CCSER1: variants seen among roughly 807,000 people sequenced by gnomAD.
CCSER1 encodes serine-rich coiled-coil domain-containing protein 1.
In CCSER1, 41 loss-of-function variants were observed where a neutral mutation model predicts 82.0. The observed-to-expected ratio is 0.50, with a 90% confidence interval of 0.39 to 0.65. The LOEUF is 0.65. Among genes scored for constraint, CCSER1 ranks in the 30% least tolerant of loss-of-function variants. The pLI, the probability that CCSER1 is intolerant of heterozygous loss-of-function variation, is 0.00. For synonymous variants in CCSER1, 414 were observed against 383.9 expected, an observed-to-expected ratio of 1.08 and a Z score of -0.92; for missense variants, 1,119 against 1,064.2, an observed-to-expected ratio of 1.05 and a Z score of -0.72.
intron 6 of CCSER1, among the ~76,000 whole-genome samples, chr4:90,641,442 A>G (rs778078231): frequency 3.9e-5 from 6 of 152,108 alleles, no homozygotes; most frequent in Non-Finnish European, 7.4e-5. Flanking sequence ...ATTATTTACA[A>G]TATATTTTCT....
chr4:91,569,516 G>T (rs527826748), intron 10 of CCSER1, among the ~76,000 whole-genome samples: 266 of 152,244 alleles, frequency 1.7e-3, no homozygotes, highest in African/African-American at 6.0e-3. Flanking sequence ...ATTCCACATG[G>T]CTGGGGAGGC....
intron 10 of CCSER1, among the ~76,000 whole-genome samples, chr4:91,236,063 T>C (rs1391400362): frequency 6.6e-6 from 1 of 152,198 alleles, no homozygotes. Flanking sequence ...GTGTTGAGAA[T>C]TGATGCAAGT....
At chr4:90,230,260 TA>T (rs1744187619) in intron 1 of CCSER1, among the ~76,000 whole-genome samples, 1 of 152,046 alleles carries the variant, frequency 6.6e-6, no homozygotes, top group Non-Finnish European at 1.5e-5. Flanking sequence ...ACAGAAATTA[TA>T]ACAAACTGTC....
At chr4:90,399,153 T>G (rs2153543650) in intron 3 of CCSER1, among the ~76,000 whole-genome samples, 1 of 152,258 alleles carries the variant, frequency 6.6e-6, no homozygotes, top group South Asian at 2.1e-4. Flanking sequence ...AATATACTTA[T>G]CACCCATTTA....
At chr4:90,875,117 A>G (rs1339587927) in intron 8 of CCSER1, among the ~76,000 whole-genome samples, 20 of 152,050 alleles carry the variant, frequency 1.3e-4, no homozygotes. Flanking sequence ...CCATCTCTTT[A>G]TTTCTCTCTC....
intron 10 of CCSER1, among the ~76,000 whole-genome samples, chr4:91,288,216 G>C (rs960057745): frequency 6.8e-6 from 1 of 148,114 alleles, no homozygotes; most frequent in African/African-American, 2.5e-5. Context: ...ACACCTTCTG[G>C]TTTTAGCGTA....
intron 8 of CCSER1, among the ~76,000 whole-genome samples, chr4:90,833,351 T>G (rs1761376928): frequency 6.6e-6 from 1 of 152,106 alleles, no homozygotes; most frequent in Non-Finnish European, 1.5e-5. Context: ...CTTAATAGAG[T>G]TGCATTGAAG....
chr4:91,401,323 G>A (rs1408984249), intron 10 of CCSER1, among the ~76,000 whole-genome samples: 1 of 147,684 alleles, frequency 6.8e-6, no homozygotes, highest in Non-Finnish European at 1.5e-5. Context: ...TAGATATACT[G>A]TATATATATT....
At chr4:91,105,298 CAAAA>C (rs369285677) in intron 10 of CCSER1, among the ~76,000 whole-genome samples, 3 of 151,772 alleles carry the variant, frequency 2.0e-5, no homozygotes, top group Non-Finnish European at 4.4e-5. Flanking sequence ...CTGTTTCCCT[CAAAA>C]AAAGGGCTTC....
chr4:91,542,104 G>T (rs1460717781), intron 10 of CCSER1, among the ~76,000 whole-genome samples: 1 of 152,152 alleles, frequency 6.6e-6, no homozygotes, highest in Non-Finnish European at 1.5e-5. Context: ...ATTTGTTTAA[G>T]TTCTTTGTAG....
intron 9 of CCSER1, among the ~76,000 whole-genome samples, chr4:91,080,693 GAGA>G (rs1173396169): frequency 6.6e-6 from 1 of 152,064 alleles, no homozygotes; most frequent in Non-Finnish European, 1.5e-5. Flanking sequence ...GAAGAAAAAA[GAGA>G]AGAATCAAAT....
chr4:90,332,593 A>ACT (rs1739518234), intron 3 of CCSER1, among the ~76,000 whole-genome samples: 1 of 152,022 alleles, frequency 6.6e-6, no homozygotes, highest in Admixed American at 6.6e-5. Context: ...TAAGTAAAGA[A>ACT]CTCTCATAGG....
intron 10 of CCSER1, among the ~76,000 whole-genome samples, chr4:91,345,374 G>A (rs1747986507): frequency 6.6e-6 from 1 of 151,836 alleles, no homozygotes; most frequent in Admixed American, 6.6e-5. Flanking sequence ...GAGACAGAGT[G>A]AAACTCCATC....
intron 6 of CCSER1, among the ~76,000 whole-genome samples, chr4:90,710,732 G>A (rs1177102080): frequency 6.6e-6 from 1 of 152,050 alleles, no homozygotes; most frequent in East Asian, 1.9e-4. Flanking sequence ...GATTACTTAA[G>A]CCTTGTAGTA....
Position 90,312,747 on chromosome 4 carries a change from T to C in CCSER1, c.1325-116T>C, listed in dbSNP as rs1735520491. 1.3e-5 allele frequency: 10 copies of C among 797,144 alleles called. No homozygotes were observed. In the South Asian group the frequency reaches 1.9e-4, roughly 15 times the overall value. 49.4% of individuals were successfully genotyped at this position (797,144 alleles called of 1,614,324 possible). ...TGATGCTATACATTTAAAAGTTTTC[T>C]TGTGATAGAGAAACTTTGAATAACA... On this transcript the variant is annotated intron_variant, in intron 2 of 10. Coordinates refer to ENST00000509176, the MANE Select transcript of CCSER1 (RefSeq NM_001145065.2).
In CCSER1 at chr4:90,309,310, T is replaced by C. The variant is rs1734880140; in HGVS notation, c.1026T>C (p.Ala342=). Residue 342 remains alanine (A), a synonymous_variant, in exon 2 of 11, where the codon GCT becomes GCC. Transcript: ENST00000509176. ...CTAATTCATTACCGGAAACCTCTGC[T>C]GCTAATCAGAAGGAAGTGTTATTAC... is the stretch of plus-strand genomic sequence containing the variant. ...TESNSLPETS[A]ANQKEVLLQI... is the part of the protein sequence containing the mutation. 3 of 1,613,874 alleles carry C rather than the reference T, an allele frequency of 1.9e-6. No individual in the cohort carries two copies. In the East Asian group the frequency reaches 6.7e-5, roughly 36 times the overall value.
chr4:91,289,432 T>A (rs555856892), intron 10 of CCSER1, among the ~76,000 whole-genome samples: 1 of 152,168 alleles, frequency 6.6e-6, no homozygotes, highest in African/African-American at 2.4e-5. Flanking sequence ...ATTAAAATAA[T>A]TACAATTATT....
intron 5 of CCSER1, among the ~76,000 whole-genome samples, chr4:90,494,646 A>G (rs1165814350): frequency 6.6e-6 from 1 of 152,190 alleles, no homozygotes; most frequent in African/African-American, 2.4e-5. Context: ...TGTAGACTTC[A>G]TTAGAGGGAT....
At chr4:91,122,569 G>GA (rs1431410663) in intron 10 of CCSER1, among the ~76,000 whole-genome samples, 2 of 151,574 alleles carry the variant, frequency 1.3e-5, no homozygotes, top group Non-Finnish European at 3.0e-5. Flanking sequence ...CTAGAAAAAG[G>GA]AAAAACCTAT....
Sources: gnomAD v4.1 joint callset for allele counts (sites outside exome capture counted in the v4.1 genomes callset) on GRCh38, gnomAD v4.1.1 for gene constraint, MANE v1.5 for transcripts, NCBI Gene and HGNC (gene_info 2026-07-23, HGNC 2026-07-21) for gene names.